ZNF354B: variants seen among roughly 807,000 people sequenced by gnomAD.
The protein encoded by ZNF354B is zinc finger protein 354B.
ZNF354B carries 10 observed loss-of-function variants against 12.9 expected under a neutral mutation model. The ratio of observed to expected loss-of-function variants is 0.77; its 90% confidence interval spans 0.48 to 1.31. The LOEUF is 1.31. Among genes scored for constraint, ZNF354B ranks in the 40% most tolerant of loss-of-function variants. The pLI, the probability that ZNF354B is intolerant of heterozygous loss-of-function variation, is 0.00. For synonymous variants in ZNF354B, 260 were observed against 243.7 expected (o/e 1.07, Z -0.62); for missense variants, 614 against 711.7 (o/e 0.86, Z 1.56).
chr5:178,861,363 A>C (rs757700573), intron 2 of ZNF354B, among the ~76,000 whole-genome samples: 3 of 152,080 alleles, frequency 2.0e-5, no homozygotes, highest in Non-Finnish European at 4.4e-5. Flanking sequence ...GCAAACGTAC[A>C]CACGTGGGAA....
In ZNF354B at chr5:178,883,560, C is replaced by T. The variant is rs201565189; in HGVS notation, c.1108C>T (p.Arg370Cys). The change falls in exon 5 of 5, where the codon CGT becomes TGT. Residue 370 changes from arginine (R) to cysteine (C), a missense_variant. Transcript: ENST00000322434. ...CACCTTTAAGTCTAGCTCATCCCTT[C>T]GTTATCATCAGAGAATTCACACTGG... ...GNTFKSSSSL[R>C]YHQRIHTGEK... The T allele has an allele frequency of 6.6e-5, 107 of 1,613,972 alleles. No homozygotes were observed. Among genetic ancestry groups the T allele is most frequent in the Non-Finnish European group, 5.0e-5 (59 of 1,179,952 alleles).
At chr5:178,872,006 A>AT (rs1380608205) in intron 4 of ZNF354B, among the ~76,000 whole-genome samples, 2 of 152,254 alleles carry the variant, frequency 1.3e-5, no homozygotes, top group African/African-American at 4.8e-5. Flanking sequence ...TTCCAAAACC[A>AT]TAGTATAATA....
intron 2 of ZNF354B, among the ~76,000 whole-genome samples, chr5:178,865,269 AT>A (rs139832348): frequency 0.15 from 22,487 of 150,140 alleles, 2,046 homozygotes; most frequent in African/African-American, 0.26. Context: ...CTTTAGACGA[AT>A]TTTTTTTTTC....
chr5:178,883,966 G>A lies in ZNF354B; in HGVS notation c.1514G>A (p.Cys505Tyr), dbSNP rs758600524. The stretch of plus-strand genomic sequence containing the variant: ...AACGAATGTGACAAAACATTCAGGT[G>A]TAACTCATCGCTTAGTAATCACCAG... ...KCNECDKTFR[C>Y]NSSLSNHQRI... Residue 505 changes from cysteine to tyrosine, a missense_variant, in exon 5 of 5, where the codon TGT (cysteine) becomes TAT (tyrosine). Cys to Tyr is a radical substitution (Grantham distance 194). Coordinates refer to ENST00000322434, the MANE Select transcript of ZNF354B (RefSeq NM_058230.3). 2 of 1,614,114 alleles carry A rather than the reference G, an allele frequency of 1.2e-6. No homozygotes were observed. Among genetic ancestry groups the A allele is most frequent in the South Asian group, 1.1e-5 (1 of 91,082 alleles).
At chr5:178,866,526 T>C (rs1757460084) in intron 3 of ZNF354B, among the ~76,000 whole-genome samples, 156 bp downstream of exon 3, 1 of 152,180 alleles carries the variant, frequency 6.6e-6, no homozygotes, top group African/African-American at 2.4e-5. Context: ...AACTTAACTT[T>C]CTCCTAATAA....
At chr5:178,876,653 G>A (rs2114022181) in intron 4 of ZNF354B, among the ~76,000 whole-genome samples, 1 of 152,116 alleles carries the variant, frequency 6.6e-6, no homozygotes, top group Admixed American at 6.5e-5. Context: ...TTTTCCTATG[G>A]CCCGCTTAAA....
chr5:178,866,120 C>G (rs1274111950), intron 2 of ZNF354B, 124 bp from the exon 3 acceptor site: 1 of 1,398,396 alleles, frequency 7.2e-7, no homozygotes, highest in African/African-American at 1.5e-5. Flanking sequence ...AAAGGAATGA[C>G]CTGGAACCTT....
rs1757331560 is a variant in ZNF354B, at chr5:178,860,661, C to T, written c.-51-336C>T. On this transcript the variant is annotated intron_variant, in intron 1 of 4. Coordinates refer to ENST00000322434, the MANE Select transcript of ZNF354B (RefSeq NM_058230.3). ...CAGCGGCGTGAACGGGGCAGGTGCC[C>T]CGGCGCTGCCTCAGTTTCCTGAGCG... is the stretch of plus-strand genomic sequence containing the variant. 1.6e-5 allele frequency: 3 copies of T among 191,350 alleles called. No homozygotes were observed. The South Asian group carries it at 2.3e-4, about 14-fold the overall frequency. 11.9% of individuals were successfully genotyped at this position (191,350 alleles called of 1,614,324 possible). A position where few individuals can be genotyped will look rare whatever the true frequency, so the allele number is the denominator to read the frequency against.
chr5:178,875,765 T>C (rs2114021080), intron 4 of ZNF354B, among the ~76,000 whole-genome samples: 1 of 152,256 alleles, frequency 6.6e-6, no homozygotes, highest in East Asian at 1.9e-4. Context: ...ATGGTGACTG[T>C]GGCATGCTAG....
rs1283000883 is a variant in ZNF354B at position 178,877,883 on chromosome 5, G to C, written c.257-4826G>C. Among the ~76,000 whole-genome samples, 4 of 152,188 alleles carry C rather than the reference G, an allele frequency of 2.6e-5. No individual in the cohort carries two copies. The East Asian group carries it at 5.8e-4, about 22-fold the overall frequency. On this transcript the variant is annotated intron_variant, in intron 4 of 4. Transcript: ENST00000322434. ...GTATCAGACAGATTCTGACACCTCA[G>C]TTGTCTAGGTGGATAGATAGAACCT...
chr5:178,868,839 G>C (rs1214873266), intron 4 of ZNF354B, among the ~76,000 whole-genome samples: 1 of 152,076 alleles, frequency 6.6e-6, no homozygotes, highest in Non-Finnish European at 1.5e-5. Context: ...GGGCATGGTG[G>C]CGGGCGCCTG....
chr5:178,874,436 G>C (rs1169190447), intron 4 of ZNF354B, among the ~76,000 whole-genome samples: 3 of 152,148 alleles, frequency 2.0e-5, no homozygotes, highest in Non-Finnish European at 2.9e-5. Context: ...TTGTTCATTG[G>C]TTTTTATTCT....
intron 4 of ZNF354B, among the ~76,000 whole-genome samples, chr5:178,878,109 C>T (rs944438337): frequency 3.3e-5 from 5 of 152,114 alleles, no homozygotes; most frequent in African/African-American, 4.8e-5. Flanking sequence ...TTAGGCCGGG[C>T]GTGGTGGCTC....
chr5:178,874,034 G>A lies in ZNF354B; in HGVS notation c.256+6963G>A, dbSNP rs1757600815. 2.0e-5 allele frequency among the ~76,000 whole-genome samples: 3 copies of A among 149,150 alleles called. No homozygotes were observed. In the South Asian group the frequency reaches 6.3e-4, roughly 31 times the overall value. On this transcript the variant is annotated intron_variant, in intron 4 of 4. Coordinates refer to ENST00000322434, the MANE Select transcript of ZNF354B (RefSeq NM_058230.3). ...TGCAGTGGTGCGATCTCTGCTCACT[G>A]CAACCTCCACTTCCTGGGCTCAAGC...
At chr5:178,873,413 T>C (rs1757590847) in intron 4 of ZNF354B, among the ~76,000 whole-genome samples, 3 of 152,258 alleles carry the variant, frequency 2.0e-5, no homozygotes, top group African/African-American at 4.8e-5. Context: ...CTAGAAGTGC[T>C]GTAGTTTTAC....
chr5:178,870,556 A>G (rs112532022), intron 4 of ZNF354B, among the ~76,000 whole-genome samples: 22,581 of 152,226 alleles, frequency 0.15, 2,054 homozygotes, highest in African/African-American at 0.25. Flanking sequence ...CTGGGATTAC[A>G]GGCGTGAGCC....
At chr5:178,869,456 G>C (rs1757523011) in intron 4 of ZNF354B, among the ~76,000 whole-genome samples, 1 of 152,154 alleles carries the variant, frequency 6.6e-6, no homozygotes, top group African/African-American at 2.4e-5. Flanking sequence ...AATGCAAGCA[G>C]CAGGGAACCA....
intron 4 of ZNF354B, among the ~76,000 whole-genome samples, chr5:178,874,275 A>G (rs1193952255): frequency 6.6e-6 from 1 of 152,134 alleles, no homozygotes; most frequent in African/African-American, 2.4e-5. Flanking sequence ...GCATTTGAAT[A>G]TTGGCCTCTC....
intron 4 of ZNF354B, among the ~76,000 whole-genome samples, chr5:178,871,680 A>T (rs889620058): frequency 4.6e-5 from 7 of 152,154 alleles, no homozygotes; most frequent in Non-Finnish European, 1.0e-4. Context: ...GGTGTTGGAG[A>T]CAGAAAGAAG....
Sources: gnomAD v4.1 joint callset for allele counts (sites outside exome capture counted in the v4.1 genomes callset) on GRCh38, gnomAD v4.1.1 for gene constraint, MANE v1.5 for transcripts, NCBI Gene and HGNC (gene_info 2026-07-23, HGNC 2026-07-21) for gene names.